The following NR6A1 variants were observed in gnomAD, a reference collection of about 807,000 sequenced individuals.
NR6A1 encodes nuclear receptor subfamily 6 group A member 1, also known as retinoic acid receptor-related testis-associated receptor.
A neutral mutation model predicts 59.1 loss-of-function variants in NR6A1; 7 were observed. The ratio of observed to expected loss-of-function variants is 0.12; its 90% CI spans 0.07 to 0.22. The LOEUF (loss-of-function observed/expected upper bound fraction) is 0.22. NR6A1 is among the 10% of genes least tolerant of loss of function. The probability of loss-of-function intolerance (pLI) is 1.00; values close to 1 mark genes in which losing one functional copy is unlikely to be tolerated. For missense variants in NR6A1, 468 were observed against 611.6 expected, an observed-to-expected ratio of 0.77 and a Z score of 2.48; for synonymous variants, 243 against 236.1, an observed-to-expected ratio of 1.03 and a Z score of -0.27.
intron 2 of NR6A1, among the ~76,000 whole-genome samples, chr9:124,629,738 G>T (rs1365297277): frequency 1.3e-5 from 2 of 152,182 alleles, no homozygotes; most frequent in Admixed American, 1.3e-4. Context: ...TCTATGTACA[G>T]TGTTGGATAG....
At chr9:124,622,983 A>T (rs1429501060) in intron 2 of NR6A1, among the ~76,000 whole-genome samples, 1 of 152,214 alleles carries the variant, frequency 6.6e-6, no homozygotes, top group Non-Finnish European at 1.5e-5. Flanking sequence ...CTACAGAAGC[A>T]TAACAAGGAG....
intron 1 of NR6A1, among the ~76,000 whole-genome samples, chr9:124,762,918 C>T (rs1025662312): frequency 6.6e-6 from 1 of 152,196 alleles, no homozygotes; most frequent in Admixed American, 6.5e-5. Flanking sequence ...TGCTTGAAAG[C>T]TCAAATTTTA....
intron 3 of NR6A1, among the ~76,000 whole-genome samples, chr9:124,552,673 T>C (rs1430250169): frequency 6.6e-6 from 1 of 152,210 alleles, no homozygotes; most frequent in African/African-American, 2.4e-5. Flanking sequence ...TATTGCTAAC[T>C]CATTTTACCT....
chr9:124,653,324 A>G (rs757252716), intron 2 of NR6A1, among the ~76,000 whole-genome samples: 4 of 151,256 alleles, frequency 2.6e-5, no homozygotes, highest in Non-Finnish European at 5.9e-5. Flanking sequence ...ACACTACATG[A>G]TATTTTACTA....
At chr9:124,633,390 G>A (rs965909101) in intron 2 of NR6A1, among the ~76,000 whole-genome samples, 25 of 112,704 alleles carry the variant, frequency 2.2e-4, no homozygotes, top group African/African-American at 7.8e-4. Flanking sequence ...GCGACAGAGC[G>A]AAACTCCGTC....
At chr9:124,622,043 G>A (rs574194313) in intron 2 of NR6A1, among the ~76,000 whole-genome samples, 3 of 152,140 alleles carry the variant, frequency 2.0e-5, no homozygotes, top group South Asian at 2.1e-4. Context: ...GTGAAACCCC[G>A]TCTCTAACAA....
intron 2 of NR6A1, among the ~76,000 whole-genome samples, chr9:124,603,599 G>A (rs535471866): frequency 2.0e-5 from 3 of 152,054 alleles, no homozygotes; most frequent in African/African-American, 4.8e-5. Flanking sequence ...TGTTGCTGAC[G>A]ATCTTTTGAT....
chr9:124,577,252 TA>T (rs1834629142), intron 2 of NR6A1, among the ~76,000 whole-genome samples: 1 of 152,208 alleles, frequency 6.6e-6, no homozygotes, highest in South Asian at 2.1e-4. Context: ...TAACATCCTT[TA>T]GGAAAGTGTA....
At chr9:124,678,244 T>C (rs989951819) in intron 2 of NR6A1, among the ~76,000 whole-genome samples, 1 of 152,226 alleles carries the variant, frequency 6.6e-6, no homozygotes, top group Non-Finnish European at 1.5e-5. Flanking sequence ...GCTAGATTCC[T>C]ACACGGTCTT....
intron 2 of NR6A1, among the ~76,000 whole-genome samples, chr9:124,651,771 G>A (rs934804020): frequency 2.0e-5 from 3 of 152,028 alleles, no homozygotes; most frequent in East Asian, 1.9e-4. Flanking sequence ...CATTAACACC[G>A]GACTAGTCTC....
intron 3 of NR6A1, among the ~76,000 whole-genome samples, chr9:124,553,548 A>AATTT: frequency 2.5e-5 from 1 of 39,286 alleles, no homozygotes; most frequent in African/African-American, 1.3e-4. Context: ...TTTTAGCTTG[A>AATTT]CTTTTTTTTT....
chr9:124,616,367 C>T (rs1588711889), intron 2 of NR6A1, among the ~76,000 whole-genome samples: 1 of 145,702 alleles, frequency 6.9e-6, no homozygotes, highest in Non-Finnish European at 1.5e-5. Context: ...CGCGCCAATG[C>T]ACTCCAGCCT....
chr9:124,763,703 T>C (rs1461255209), intron 1 of NR6A1, among the ~76,000 whole-genome samples: 2 of 152,326 alleles, frequency 1.3e-5, no homozygotes, highest in African/African-American at 4.8e-5. Flanking sequence ...TTCTGTCTTC[T>C]AGCTTTTCTT....
chr9:124,712,412 C>A (rs374225415), intron 2 of NR6A1, among the ~76,000 whole-genome samples: 1 of 151,996 alleles, frequency 6.6e-6, no homozygotes, highest in Non-Finnish European at 1.5e-5. Flanking sequence ...AGCTGGAGAC[C>A]GGACTGGTCA....
At position 124,736,642 on chromosome 9, in the gene NR6A1, G is replaced by A. The variant is rs568478142; in HGVS notation, c.101-3293C>T. On this transcript the variant is annotated intron_variant, in intron 1 of 9. Coordinates refer to ENST00000487099, the MANE Select transcript of NR6A1 (RefSeq NM_033334.4). Reference sequence around the variant, plus strand: ...GAGGATCGCTTGAGCCCAGGAGTCGGAGACCAGCCTGGGCAACATGGTGAA... The same window carrying A: ...GAGGATCGCTTGAGCCCAGGAGTCGAAGACCAGCCTGGGCAACATGGTGAA... Among the ~76,000 whole-genome samples, 2 of 152,230 alleles carry A rather than the reference G, an allele frequency of 1.3e-5. 1 individual carries two copies. The highest frequency in any genetic ancestry group is 3.9e-4 in the East Asian group (2 of 5,178).
At chr9:124,659,102 T>A (rs1837344257) in intron 2 of NR6A1, among the ~76,000 whole-genome samples, 1 of 152,226 alleles carries the variant, frequency 6.6e-6, no homozygotes, top group African/African-American at 2.4e-5. Flanking sequence ...TTTACCACCT[T>A]TTCTATCTCT....
intron 2 of NR6A1, among the ~76,000 whole-genome samples, chr9:124,729,297 G>A (rs555913858): frequency 3.3e-5 from 5 of 152,188 alleles, no homozygotes; most frequent in Non-Finnish European, 7.4e-5. Flanking sequence ...TTTCTGGTAT[G>A]TTTATGGAAA....
intron 2 of NR6A1, among the ~76,000 whole-genome samples, chr9:124,709,947 A>G (rs1038235758): frequency 6.5e-5 from 9 of 138,784 alleles, no homozygotes; most frequent in East Asian, 2.0e-4. Flanking sequence ...TTCCATCTCG[A>G]AAAAAAAAAA....
At chr9:124,735,736 A>G (rs1840003248) in intron 1 of NR6A1, among the ~76,000 whole-genome samples, 1 of 152,226 alleles carries the variant, frequency 6.6e-6, no homozygotes, top group African/African-American at 2.4e-5. Context: ...CTATAATAAA[A>G]TATCATAAAG....
Sources: gnomAD v4.1 joint callset for allele counts (sites outside exome capture counted in the v4.1 genomes callset) on GRCh38, gnomAD v4.1.1 for gene constraint, MANE v1.5 for transcripts, NCBI Gene and HGNC (gene_info 2026-07-23, HGNC 2026-07-21) for gene names.